The following VAT1L variants were observed in gnomAD, a reference collection of about 807,000 sequenced individuals.
The protein encoded by VAT1L is vesicle amine transport 1 like, also known as putative NADPH-dependent quinone oxidoreductase VAT1L.
In VAT1L, 34 loss-of-function variants were observed where a neutral mutation model predicts 44.1. That is an observed-to-expected ratio of 0.77 (90% CI 0.59 to 1.03). The LOEUF (loss-of-function observed/expected upper bound fraction) is 1.03, where lower values mean the gene tolerates loss of function less well. VAT1L is among the 50% of genes least tolerant of loss of function. The probability of loss-of-function intolerance (pLI) is 0.00; values close to 1 mark genes in which losing one functional copy is unlikely to be tolerated. For missense variants in VAT1L, 615 were observed against 538.8 expected (o/e 1.14, Z -1.40); for synonymous variants, 253 against 202.2 (o/e 1.25, Z -2.13).
chr16:77,828,672 A>T (rs956623599), intron 3 of VAT1L, among the ~76,000 whole-genome samples: 2 of 151,898 alleles, frequency 1.3e-5, no homozygotes, highest in African/African-American at 4.8e-5. Context: ...TCAAAAAAAT[A>T]AAAAAATAAA....
intron 1 of VAT1L, among the ~76,000 whole-genome samples, chr16:77,797,126 T>A (rs921460699): frequency 7.2e-5 from 11 of 151,934 alleles, no homozygotes; most frequent in Non-Finnish European, 1.5e-4. Context: ...CTTTTTTTTT[T>A]TTTGAGATGG....
chr16:77,912,210 G>A (rs1484399095), intron 7 of VAT1L, among the ~76,000 whole-genome samples: 2 of 152,204 alleles, frequency 1.3e-5, no homozygotes, highest in Non-Finnish European at 1.5e-5. Flanking sequence ...CTCTTTAGTT[G>A]TTTTCAACAT....
At chr16:77,897,000 G>A (rs1033556484) in intron 7 of VAT1L, among the ~76,000 whole-genome samples, 4 of 152,160 alleles carry the variant, frequency 2.6e-5, no homozygotes, top group African/African-American at 9.7e-5. Flanking sequence ...GAGGTTGATG[G>A]AGAAATTACT....
chr16:77,881,315 T>A (rs998756483), intron 6 of VAT1L, among the ~76,000 whole-genome samples: 10 of 152,242 alleles, frequency 6.6e-5, no homozygotes, highest in Non-Finnish European at 1.3e-4. Context: ...AGCACTGGGC[T>A]ATTACAGCAC....
chr16:77,800,553 C>A (rs2016028510), intron 1 of VAT1L: 1 of 152,262 alleles, frequency 6.6e-6, no homozygotes, highest in Non-Finnish European at 1.5e-5. Flanking sequence ...TGCACAGGTA[C>A]TCAGAAACAC....
intron 7 of VAT1L, among the ~76,000 whole-genome samples, chr16:77,965,098 T>C (rs902887626): frequency 4.4e-5 from 4 of 90,462 alleles, no homozygotes; most frequent in African/African-American, 1.3e-4. Context: ...CTGTAGCACA[T>C]TTTTTTTTAT....
chr16:77,963,241 G>T (rs2142536763), intron 7 of VAT1L, among the ~76,000 whole-genome samples: 1 of 152,290 alleles, frequency 6.6e-6, no homozygotes, highest in Non-Finnish European at 1.5e-5. Context: ...CTTTGCCGAT[G>T]AGATTAAGTT....
At chr16:77,946,279 C>CTTTTTTTTCTTTTTTTTTTTTTT (rs2017963874) in intron 7 of VAT1L, among the ~76,000 whole-genome samples, 1 of 70,428 alleles carries the variant, frequency 1.4e-5, no homozygotes, top group Non-Finnish European at 2.5e-5. Context: ...GTTACTTGTT[C>CTTTTTTTTCTTTTTTTTTTTTTT]TTTTTTTTTT....
chr16:77,851,101 G>C (rs2016804154), intron 3 of VAT1L, among the ~76,000 whole-genome samples: 1 of 152,200 alleles, frequency 6.6e-6, no homozygotes, highest in South Asian at 2.1e-4. Context: ...CAAACTGTGG[G>C]GCAAGCAAGA....
intron 7 of VAT1L, among the ~76,000 whole-genome samples, chr16:77,904,453 G>A (rs1368238800): frequency 9.9e-5 from 15 of 152,104 alleles, no homozygotes; most frequent in Non-Finnish European, 2.1e-4. Context: ...TTGGTTCCTG[G>A]TAAGGGCTGT....
chr16:77,799,628 G>A (rs547068791), intron 1 of VAT1L, among the ~76,000 whole-genome samples: 2 of 151,916 alleles, frequency 1.3e-5, no homozygotes, highest in East Asian at 1.9e-4. Flanking sequence ...GAAAGAGGGG[G>A]ATAAGAAGCA....
chr16:77,902,894 A>AC (rs1334693706), intron 7 of VAT1L, among the ~76,000 whole-genome samples: 3 of 149,064 alleles, frequency 2.0e-5, no homozygotes, highest in African/African-American at 7.4e-5. Context: ...AACCACTTGA[A>AC]CCCGGGCGGC....
chr16:77,820,620 G>T (rs968981697), intron 2 of VAT1L, among the ~76,000 whole-genome samples: 2 of 152,132 alleles, frequency 1.3e-5, no homozygotes, highest in African/African-American at 4.8e-5. Context: ...CTAGAACAAA[G>T]GAGAGCTCTG....
At chr16:77,936,192 C>T (rs2142506905) in intron 7 of VAT1L, among the ~76,000 whole-genome samples, 2 of 152,292 alleles carry the variant, frequency 1.3e-5, no homozygotes, top group Middle Eastern at 6.8e-3. Context: ...GAATAGCAAG[C>T]TGGACATTCC....
chr16:77,971,716 C>A, intron 7 of VAT1L, 134 bp from the exon 8 acceptor site: 1 of 828,902 alleles, frequency 1.2e-6, no homozygotes, highest in Non-Finnish European at 1.9e-6. Context: ...CGTCCAACAG[C>A]AACCTCTTAG....
intron 4 of VAT1L, among the ~76,000 whole-genome samples, chr16:77,864,182 C>G (rs1450784117): frequency 6.6e-6 from 1 of 152,214 alleles, no homozygotes; most frequent in Non-Finnish European, 1.5e-5. Context: ...AGGGTCCATG[C>G]CACTCAGAGC....
chr16:77,942,380 C>A (rs1241167199), intron 7 of VAT1L, among the ~76,000 whole-genome samples: 1 of 152,082 alleles, frequency 6.6e-6, no homozygotes, highest in Non-Finnish European at 1.5e-5. Flanking sequence ...GTGGGAACTG[C>A]AATTCAAGAT....
chr16:77,938,894 T>TA (rs35907408), intron 7 of VAT1L, among the ~76,000 whole-genome samples: 2 of 152,130 alleles, frequency 1.3e-5, no homozygotes, highest in Non-Finnish European at 2.9e-5. Context: ...TTGCTTTTTC[T>TA]AAAGAAGAGG....
chr16:77,893,127 CA>C (rs1190024904), intron 7 of VAT1L, among the ~76,000 whole-genome samples: 1 of 151,992 alleles, frequency 6.6e-6, no homozygotes, highest in Non-Finnish European at 1.5e-5. Context: ...ATAACAACAA[CA>C]AAAAAAGCCT....
Sources: allele counts gnomAD v4.1 joint callset (sites outside exome capture counted in the v4.1 genomes callset), GRCh38; gene constraint gnomAD v4.1.1; transcripts MANE v1.5; gene names NCBI Gene and HGNC (gene_info 2026-07-23, HGNC 2026-07-21).